Variants in ADCY2 observed in about 807,000 individuals in gnomAD.
The protein encoded by ADCY2 is adenylate cyclase type 2.
Under a neutral mutation model 125.2 loss-of-function variants are expected in ADCY2, and 31 were observed. That is an observed-to-expected ratio of 0.25 (90% confidence interval 0.19 to 0.33). ADCY2 has a LOEUF of 0.33. ADCY2 is among the 10% of genes least tolerant of loss of function. ADCY2 has a pLI of 1.00. For synonymous variants in ADCY2, 512 were observed against 548.4 expected, an observed-to-expected ratio of 0.93 and a Z score of 0.93; for missense variants, 904 against 1,418.2, an observed-to-expected ratio of 0.64 and a Z score of 5.82.
chr5:7,690,625 A>G, intron 4 of ADCY2, 66 bp from the exon 5 acceptor site: 2 of 1,363,494 alleles, frequency 1.5e-6, no homozygotes, highest in South Asian at 4.0e-5. Flanking sequence ...GAGGATCTCC[A>G]ATGTTATTTG....
chr5:7,505,354 C>T (rs996830462), intron 2 of ADCY2, among the ~76,000 whole-genome samples: 1 of 152,174 alleles, frequency 6.6e-6, no homozygotes, highest in Non-Finnish European at 1.5e-5. Flanking sequence ...AGAAAGACCA[C>T]GTCCCGTGCA....
intron 12 of ADCY2, 101 bp from the exon 13 acceptor site, chr5:7,724,444 T>A: frequency 3.5e-6 from 3 of 859,400 alleles, no homozygotes; most frequent in African/African-American, 1.7e-5. Flanking sequence ...TTCGGAATGA[T>A]ACACAATAAA....
chr5:7,821,304 A>G, intron 24 of ADCY2, among the ~76,000 whole-genome samples: 1 of 152,358 alleles, frequency 6.6e-6, no homozygotes, highest in Admixed American at 6.5e-5. Flanking sequence ...TTACAATAGC[A>G]CTAATAATAT....
intron 4 of ADCY2, among the ~76,000 whole-genome samples, chr5:7,645,284 A>G (rs771043269): frequency 1.1e-4 from 16 of 152,168 alleles, no homozygotes; most frequent in Non-Finnish European, 2.1e-4. Context: ...TTATATCAGG[A>G]TAGATGGATG....
At chr5:7,518,197 A>G (rs980158601) in intron 2 of ADCY2, among the ~76,000 whole-genome samples, 2 of 152,174 alleles carry the variant, frequency 1.3e-5, no homozygotes, top group African/African-American at 4.8e-5. Context: ...AAGGATCTGC[A>G]CAGCACACCA....
chr5:7,595,607 A>G (rs937032289), intron 3 of ADCY2, among the ~76,000 whole-genome samples: 2 of 152,156 alleles, frequency 1.3e-5, no homozygotes, highest in Non-Finnish European at 2.9e-5. Context: ...TGATGTCTCT[A>G]CATTACAAGT....
At chr5:7,534,032 T>C (rs956187703) in intron 3 of ADCY2, among the ~76,000 whole-genome samples, 1 of 152,202 alleles carries the variant, frequency 6.6e-6, no homozygotes, top group African/African-American at 2.4e-5. Context: ...ATAATGTCAT[T>C]TTCTCTGGAG....
chr5:7,467,015 T>G (rs1035313648), intron 2 of ADCY2, among the ~76,000 whole-genome samples: 5 of 152,170 alleles, frequency 3.3e-5, no homozygotes, highest in Non-Finnish European at 5.9e-5. Flanking sequence ...CAGCCACGCA[T>G]TTTTGAATTA....
chr5:7,748,519 AACACACACAC>A (rs35989915), intron 15 of ADCY2, among the ~76,000 whole-genome samples: 9 of 90,214 alleles, frequency 1.0e-4, no homozygotes, highest in South Asian at 5.1e-4. Context: ...CCCACCCTCC[AACACACACAC>A]ACACACACAC....
chr5:7,589,023 A>C (rs1205680286), intron 3 of ADCY2, among the ~76,000 whole-genome samples: 1 of 152,218 alleles, frequency 6.6e-6, no homozygotes, highest in African/African-American at 2.4e-5. Context: ...ATAAATTCCA[A>C]ATGAAGAGTT....
intron 3 of ADCY2, among the ~76,000 whole-genome samples, chr5:7,570,381 T>G (rs1411044767): frequency 6.6e-6 from 1 of 152,074 alleles, no homozygotes; most frequent in South Asian, 2.1e-4. Context: ...TTTAAAAACC[T>G]TTTTTTCTTC....
intron 9 of ADCY2, 65 bp downstream of exon 9, chr5:7,707,903 G>A (rs1448905375): frequency 6.5e-7 from 1 of 1,541,168 alleles, no homozygotes; most frequent in African/African-American, 1.4e-5. Flanking sequence ...ATATTCATAA[G>A]TGTTTTTAGT....
chr5:7,444,271 G>T (rs1192087798), intron 2 of ADCY2, among the ~76,000 whole-genome samples: 3 of 151,314 alleles, frequency 2.0e-5, no homozygotes, highest in Non-Finnish European at 4.4e-5. Flanking sequence ...CCGCCACCAC[G>T]CCTGGTTAAT....
At chr5:7,647,278 A>G (rs1413970853) in intron 4 of ADCY2, among the ~76,000 whole-genome samples, 3 of 152,212 alleles carry the variant, frequency 2.0e-5, no homozygotes, top group African/African-American at 7.2e-5. Context: ...TGTAACATGT[A>G]AGTAATGATA....
chr5:7,749,752 A>G (rs7447235), intron 15 of ADCY2: 125,624 of 152,146 alleles, frequency 0.83, 52,638 homozygotes, highest in East Asian at 0.97. Context: ...TTGTGCTTTC[A>G]ATAGCAGAGA....
At chr5:7,520,985 G>T (rs1157036827) in intron 3 of ADCY2, 86 bp downstream of exon 3, 1 of 1,511,234 alleles carries the variant, frequency 6.6e-7, no homozygotes, top group African/African-American at 1.4e-5. Flanking sequence ...TTCAGGGTGT[G>T]TGTAGTGTGG....
chr5:7,624,491 C>T (rs1279542014), intron 3 of ADCY2, among the ~76,000 whole-genome samples: 1 of 152,132 alleles, frequency 6.6e-6, no homozygotes. Flanking sequence ...ATGGAGATGA[C>T]CACCCACTTC....
intron 10 of ADCY2, among the ~76,000 whole-genome samples, chr5:7,710,447 G>A (rs1741403775): frequency 6.6e-6 from 1 of 152,206 alleles, no homozygotes; most frequent in South Asian, 2.1e-4. Context: ...GGGCCATGAG[G>A]AAGATAAAAT....
intron 3 of ADCY2, among the ~76,000 whole-genome samples, chr5:7,559,088 T>C (rs1274300711): frequency 6.6e-6 from 1 of 152,220 alleles, no homozygotes; most frequent in African/African-American, 2.4e-5. Context: ...CCCTGTAGTA[T>C]AGCTTGAAGT....
Sources: allele counts gnomAD v4.1 joint callset (sites outside exome capture counted in the v4.1 genomes callset), GRCh38; gene constraint gnomAD v4.1.1; transcripts MANE v1.5; gene names NCBI Gene and HGNC (gene_info 2026-07-23, HGNC 2026-07-21).